The following MOCOS variants were observed in gnomAD, a reference collection of about 807,000 sequenced individuals.
The protein encoded by MOCOS is molybdenum cofactor sulfurase, also known as human molybdenum cofactor sulfurase.
In MOCOS, 86 loss-of-function variants were observed where a neutral mutation model predicts 83.6. The ratio of observed to expected loss-of-function variants is 1.03; its 90% CI spans 0.86 to 1.23. The LOEUF (loss-of-function observed/expected upper bound fraction) is 1.23. Among genes scored for constraint, MOCOS ranks in the 50% most tolerant of loss-of-function variants. The pLI, the probability that MOCOS is intolerant of heterozygous loss-of-function variation, is 0.00. For missense variants in MOCOS, 1,120 were observed against 1,126.9 expected (o/e 0.99, Z 0.09); for synonymous variants, 445 against 434.7 (o/e 1.02, Z -0.29).
intron 7 of MOCOS, among the ~76,000 whole-genome samples, chr18:36,214,464 T>C (rs1234856236): frequency 1.3e-5 from 2 of 151,924 alleles, no homozygotes; most frequent in Non-Finnish European, 2.9e-5. Flanking sequence ...GGGTGCGGTG[T>C]GGAACTCTTC....
intron 9 of MOCOS, among the ~76,000 whole-genome samples, chr18:36,232,674 T>C (rs686437): frequency 0.58 from 87,714 of 151,860 alleles, 26,151 homozygotes; most frequent in African/African-American, 0.7. Context: ...TTTTGGTAAC[T>C]ACTATTCTAC....
At chr18:36,255,300 A>G (rs769881868) in intron 11 of MOCOS, among the ~76,000 whole-genome samples, 3 of 152,218 alleles carry the variant, frequency 2.0e-5, no homozygotes, top group Non-Finnish European at 4.4e-5. Flanking sequence ...CTTCTGAAGT[A>G]TGTGACCGAA....
At chr18:36,227,642 T>G (rs2032644539) in intron 9 of MOCOS, among the ~76,000 whole-genome samples, 1 of 151,982 alleles carries the variant, frequency 6.6e-6, no homozygotes, top group Admixed American at 6.6e-5. Context: ...GTGATCTGCC[T>G]GTCTCGGCCT....
intron 9 of MOCOS, among the ~76,000 whole-genome samples, chr18:36,240,547 ACAG>A (rs1272137804): frequency 6.6e-5 from 10 of 151,282 alleles, no homozygotes; most frequent in Non-Finnish European, 1.5e-4. Flanking sequence ...AAGCTGTCAG[ACAG>A]GGACATTTAA....
intron 11 of MOCOS, among the ~76,000 whole-genome samples, chr18:36,254,420 T>C (rs1022737915): frequency 2.0e-5 from 3 of 151,370 alleles, no homozygotes; most frequent in African/African-American, 7.3e-5. Flanking sequence ...CCACAACAAT[T>C]TGAATCTCGT....
At chr18:36,235,599 C>T (rs1369169448) in intron 9 of MOCOS, among the ~76,000 whole-genome samples, 35 of 142,090 alleles carry the variant, frequency 2.5e-4, no homozygotes, top group African/African-American at 8.2e-4. Flanking sequence ...CATACGTGTG[C>T]ATGTGTCTTT....
chr18:36,268,577 C>G lies in MOCOS; in HGVS notation c.2559C>G (p.Ser853=), dbSNP rs763591456. ...MYLMHASLDL[S]SPCFLSVGSQ... ...TGATGCATGCATCATTGGATTTATC[C>G]TCCCCATGTTTCCTGTCTGTAGGAT... is the stretch of plus-strand genomic sequence containing the variant. The change falls in exon 15 of 15, where the codon TCC becomes TCG. Residue 853 remains serine (S), a synonymous_variant. Transcript: ENST00000261326. 6.2e-7 allele frequency: 1 copy of G among 1,614,102 alleles called. No homozygotes were observed. The highest frequency in any genetic ancestry group is 8.5e-7 in the Non-Finnish European group (1 of 1,180,026).
Position 36,270,074 on chromosome 18 carries a change from T to A in MOCOS, c.*1389T>A, listed in dbSNP as rs906956140. 1 of 151,842 alleles carries A rather than the reference T, an allele frequency of 6.6e-6. No individual in the cohort carries two copies. Among genetic ancestry groups the A allele is most frequent in the Admixed American group, 6.6e-5 (1 of 15,238 alleles). 9.4% of individuals were successfully genotyped at this position (151,842 alleles called of 1,614,324 possible). ...TTGCACACTCACGTGCTGTGAAGAG[T>A]TAAGGGTAAAAAGTACAACTCTGAC... On this transcript the variant is annotated 3_prime_UTR_variant, in exon 15 of 15. Transcript: ENST00000261326.
chr18:36,239,953 G>A (rs564475050), intron 9 of MOCOS, among the ~76,000 whole-genome samples: 87 of 148,802 alleles, frequency 5.8e-4, no homozygotes, highest in South Asian at 4.7e-3. Flanking sequence ...TGCATTCTTC[G>A]TGTAGTTCTC....
chr18:36,260,045 A>C lies in MOCOS; in HGVS notation c.2279A>C (p.Asn760Thr). The C allele has an allele frequency of 6.2e-7, 1 of 1,614,202 alleles. No individual in the cohort carries two copies. Among genetic ancestry groups the C allele is most frequent in the Non-Finnish European group, 8.5e-7 (1 of 1,180,024 alleles). ...TTGGTTGCTTTAATCAGTGATGAGA[A>C]TGGAAAGGAGGAATTATTCTCACTG... ...LHRQLNTSDE[N>T]GKEELFSLKD... is the part of the protein sequence containing the mutation. The change falls in exon 13 of 15, where the codon AAT becomes ACT. Residue 760 changes from asparagine (N) to threonine (T), a missense_variant. Transcript: ENST00000261326.
At chr18:36,236,453 G>A (rs1204065047) in intron 9 of MOCOS, among the ~76,000 whole-genome samples, 42 of 107,354 alleles carry the variant, frequency 3.9e-4, no homozygotes, top group African/African-American at 1.1e-3. Flanking sequence ...GATATGTGGC[G>A]TTATTTCTGA....
In MOCOS at chr18:36,226,009, A is replaced by G. The variant is rs144858446; in HGVS notation, c.1960+5792A>G. On this transcript the variant is annotated intron_variant, in intron 9 of 14. Coordinates refer to ENST00000261326, the MANE Select transcript of MOCOS (RefSeq NM_017947.4). ...AAAGATCCGTGTGTGCCTTAGAAGA[A>G]TGTGTATTCTTCTGCTGTTGGGTGA... Among the ~76,000 whole-genome samples, 404 of 151,828 alleles carry G rather than the reference A, an allele frequency of 2.7e-3. 3 individuals are homozygous for G. The highest frequency in any genetic ancestry group is 9.4e-3 in the African/African-American group (388 of 41,400).
chr18:36,229,913 T>A (rs1009856724), intron 9 of MOCOS, among the ~76,000 whole-genome samples: 3 of 152,204 alleles, frequency 2.0e-5, no homozygotes, highest in African/African-American at 7.2e-5. Flanking sequence ...CACTGTTCTC[T>A]TGACTTTGGT....
At chr18:36,203,043 A>G in intron 4 of MOCOS, 70 bp from the exon 5 acceptor site, 5 of 1,442,504 alleles carry the variant, frequency 3.5e-6, no homozygotes, top group Non-Finnish European at 3.9e-6. Context: ...AAAGCTCATT[A>G]TATACCACGA....
chr18:36,200,461 T>C, intron 4 of MOCOS, 137 bp downstream of exon 4: 5 of 1,117,894 alleles, frequency 4.5e-6, no homozygotes, highest in East Asian at 2.6e-5. Context: ...GACAGGCTGA[T>C]GGCAGGGCTC....
At chr18:36,201,191 C>T (rs2091413040) in intron 4 of MOCOS, among the ~76,000 whole-genome samples, 1 of 152,182 alleles carries the variant, frequency 6.6e-6, no homozygotes, top group Admixed American at 6.5e-5. Context: ...AGATCCCCAA[C>T]AGACCCCACA....
At chr18:36,218,810 G>A (rs896832580) in intron 8 of MOCOS, among the ~76,000 whole-genome samples, 3 of 151,430 alleles carry the variant, frequency 2.0e-5, no homozygotes, top group Non-Finnish European at 2.9e-5. Context: ...ATAAGCCACT[G>A]CGCCCAGCTC....
intron 9 of MOCOS, among the ~76,000 whole-genome samples, chr18:36,233,094 G>A (rs549599359): frequency 1.3e-5 from 2 of 152,218 alleles, no homozygotes; most frequent in African/African-American, 4.8e-5. Flanking sequence ...TTCTTTAGGT[G>A]TGATTTCTGA....
At chr18:36,240,111 G>A (rs1371120385) in intron 9 of MOCOS, among the ~76,000 whole-genome samples, 31 of 133,078 alleles carry the variant, frequency 2.3e-4, no homozygotes, top group African/African-American at 5.0e-4. Flanking sequence ...TAATTTGATC[G>A]TCTGAAGCCT....
Sources: allele counts gnomAD v4.1 joint callset (sites outside exome capture counted in the v4.1 genomes callset), GRCh38; gene constraint gnomAD v4.1.1; transcripts MANE v1.5; gene names NCBI Gene and HGNC (gene_info 2026-07-23, HGNC 2026-07-21).